The following TSC22D2 variants were observed in gnomAD, a reference collection of about 807,000 sequenced individuals.
TSC22D2 encodes TSC22 domain family member 2.
Under a neutral mutation model 50.1 loss-of-function variants are expected in TSC22D2, and 5 were observed. The observed-to-expected ratio is 0.10, with a 90% confidence interval of 0.05 to 0.21. The LOEUF is 0.21. Ranked by LOEUF, TSC22D2 falls within the 10% of genes least tolerant of loss-of-function variation. The probability of loss-of-function intolerance (pLI) is 1.00; values close to 1 mark genes in which losing one functional copy is unlikely to be tolerated. For missense variants in TSC22D2, 1,003 were observed against 1,015.5 expected (o/e 0.99, Z 0.17); for synonymous variants, 501 against 450.1 (o/e 1.11, Z -1.43).
chr3:150,412,996 A>G (rs1000979892), intron 1 of TSC22D2, among the ~76,000 whole-genome samples: 1 of 151,942 alleles, frequency 6.6e-6, no homozygotes, highest in Non-Finnish European at 1.5e-5. Flanking sequence ...CCCGCTTTCT[A>G]TACACACACA....
rs1340545440 is a variant in TSC22D2, at chr3:150,410,961, G to T, written c.1611G>T (p.Gln537His). 1 of 1,614,212 alleles carries T rather than the reference G, an allele frequency of 6.2e-7. No individual in the cohort carries two copies. The highest frequency in any genetic ancestry group is 1.7e-5 in the Admixed American group (1 of 60,030). Residue 537 changes from glutamine (Q) to histidine (H), a missense_variant, in exon 1 of 3, where the codon CAG becomes CAT. By Grantham distance (24) the Gln-to-His change is conservative. Around this residue, in one of 6 missense-constraint regions of TSC22D2, gnomAD observed 696 missense variants for 647.8 expected, o/e 1.07. Coordinates refer to ENST00000688009, the MANE Select transcript of TSC22D2 (RefSeq NM_001303264.2). The stretch of plus-strand genomic sequence containing the variant: ...CAAATGTACCCGCGCCTCTGGCCCA[G>T]TCGCAACAGCTGAGCAGCCATACGC... ...TMPNVPAPLAQSQQLSSHTPV... is the reference protein window; with the variant it reads ...TMPNVPAPLAHSQQLSSHTPV...
rs1560078199 is a variant in TSC22D2 at position 150,411,051 on chromosome 3, C to T, written c.1701C>T (p.Ser567=). 1 of 1,614,210 alleles carries T rather than the reference C, an allele frequency of 6.2e-7. No homozygotes were observed. The highest frequency in any genetic ancestry group is 8.5e-7 in the Non-Finnish European group (1 of 1,180,052). The change falls in exon 1 of 3, where the codon AGC becomes AGT. Residue 567 remains serine, a synonymous_variant. Transcript: ENST00000688009. ...VGLPLAPGTH[S]APTSLPQSDL... ...TGCCCTTAGCGCCAGGCACACACAG[C>T]GCACCAACAAGTCTACCACAGTCTG... is the stretch of plus-strand genomic sequence containing the variant.
chr3:150,455,951 T>A (rs558429256), intron 1 of TSC22D2, among the ~76,000 whole-genome samples: 1 of 152,166 alleles, frequency 6.6e-6, no homozygotes, highest in South Asian at 2.1e-4. Context: ...TCTTACTACT[T>A]AATACATGGT....
chr3:150,456,971 T>C (rs1721209602), intron 1 of TSC22D2, 105 bp from the exon 2 acceptor site: 2 of 907,424 alleles, frequency 2.2e-6, no homozygotes, highest in Non-Finnish European at 3.5e-6. Flanking sequence ...TTTAAATTAC[T>C]GTATATTTGG....
intron 1 of TSC22D2, among the ~76,000 whole-genome samples, chr3:150,442,167 A>C (rs1206724033): frequency 6.6e-6 from 1 of 151,460 alleles, no homozygotes; most frequent in Non-Finnish European, 1.5e-5. Flanking sequence ...TTTTTTCTCC[A>C]CCCAACTGTG....
At chr3:150,434,131 CA>C (rs1301648307) in intron 1 of TSC22D2, among the ~76,000 whole-genome samples, 1 of 149,754 alleles carries the variant, frequency 6.7e-6, no homozygotes, top group Non-Finnish European at 1.5e-5. Flanking sequence ...AGCTCAGAGT[CA>C]AAAAATAGGA....
chr3:150,423,021 AT>A, intron 1 of TSC22D2: 1 of 1,587,362 alleles, frequency 6.3e-7, no homozygotes, highest in Non-Finnish European at 8.6e-7. Context: ...TCTCAACCTC[AT>A]TTCCATTTGA....
chr3:150,442,599 A>G (rs1323796213), intron 1 of TSC22D2, among the ~76,000 whole-genome samples: 1 of 152,202 alleles, frequency 6.6e-6, no homozygotes, highest in Non-Finnish European at 1.5e-5. Context: ...ATACTAATGC[A>G]TTATCTCACT....
chr3:150,432,020 G>A (rs980707298), intron 1 of TSC22D2, among the ~76,000 whole-genome samples: 2 of 152,102 alleles, frequency 1.3e-5, no homozygotes, highest in African/African-American at 4.8e-5. Flanking sequence ...TGTGTTAGGT[G>A]GCTTGTCTGC....
intron 1 of TSC22D2, among the ~76,000 whole-genome samples, chr3:150,431,958 G>A (rs1576548816): frequency 7.9e-5 from 12 of 152,252 alleles, no homozygotes; most frequent in Admixed American, 6.5e-4. Context: ...TGCAAATTAT[G>A]TATTGCTATC....
chr3:150,456,481 C>T (rs969797877), intron 1 of TSC22D2, among the ~76,000 whole-genome samples: 1 of 152,108 alleles, frequency 6.6e-6, no homozygotes, highest in Non-Finnish European at 1.5e-5. Flanking sequence ...AGCCACCACG[C>T]CCGGCTGAAT....
chr3:150,420,198 C>T (rs1178195301), intron 1 of TSC22D2, among the ~76,000 whole-genome samples: 2 of 152,158 alleles, frequency 1.3e-5, no homozygotes, highest in Non-Finnish European at 2.9e-5. Context: ...TTACAGATGG[C>T]TCTTTTCCCT....
Position 150,408,322 on chromosome 3 carries a change from G to T in TSC22D2, c.-1029G>T, listed in dbSNP as rs990684785. The T allele has an allele frequency of 3.9e-5, 6 of 153,342 alleles. No homozygotes were observed. The highest frequency in any genetic ancestry group is 1.5e-4 in the African/African-American group (6 of 41,356). 9.5% of individuals were successfully genotyped at this position (153,342 alleles called of 1,614,324 possible). A position where few individuals can be genotyped will look rare whatever the true frequency, so the allele number is the denominator to read the frequency against. On this transcript the variant is annotated 5_prime_UTR_variant, in exon 1 of 3. Coordinates refer to ENST00000688009, the MANE Select transcript of TSC22D2 (RefSeq NM_001303264.2). Reference sequence around the variant, plus strand: ...TAGTCGGCAGCGGCGGCGGCAGCGGGGCTGCTGCTCCTCCCAGCATCCCTG... The same window carrying T: ...TAGTCGGCAGCGGCGGCGGCAGCGGTGCTGCTGCTCCTCCCAGCATCCCTG...
intron 1 of TSC22D2, among the ~76,000 whole-genome samples, chr3:150,415,375 A>G (rs1719762599): frequency 6.6e-6 from 1 of 152,190 alleles, no homozygotes; most frequent in East Asian, 1.9e-4. Context: ...TGACTATTTT[A>G]GTAACACTTG....
intron 1 of TSC22D2, among the ~76,000 whole-genome samples, chr3:150,451,594 A>G (rs1314931470): frequency 6.6e-6 from 1 of 152,222 alleles, no homozygotes; most frequent in Non-Finnish European, 1.5e-5. Context: ...CAGTCTTAGT[A>G]TTATGGAAGA....
intron 1 of TSC22D2, among the ~76,000 whole-genome samples, chr3:150,412,817 G>A (rs1381305739): frequency 6.6e-6 from 1 of 152,172 alleles, no homozygotes; most frequent in African/African-American, 2.4e-5. Context: ...CTGTAACACA[G>A]ATTGAGTTTA....
chr3:150,433,857 T>C (rs1219024992), intron 1 of TSC22D2, among the ~76,000 whole-genome samples: 2 of 152,180 alleles, frequency 1.3e-5, no homozygotes. Context: ...GACAGATTGC[T>C]TGAGCTCAGG....
chr3:150,411,157 C>G lies in TSC22D2; in HGVS notation c.1807C>G (p.Gln603Glu). ...DTRRKSEPLP[Q>E]PPLSLIAENK... Reference sequence around the variant, plus strand: ...TAGAAGAAAATCAGAACCCCTACCTCAACCACCACTTTCTCTCATTGCTGA... The same window carrying G: ...TAGAAGAAAATCAGAACCCCTACCTGAACCACCACTTTCTCTCATTGCTGA... The change falls in exon 1 of 3, where the codon CAA becomes GAA. Residue 603 changes from glutamine (Q) to glutamate (E), a missense_variant. Physicochemically the swap from Gln to Glu is conservative, Grantham distance 29. Around this residue, in one of 6 missense-constraint regions of TSC22D2, gnomAD observed 696 missense variants for 647.8 expected, o/e 1.07. Coordinates refer to ENST00000688009, the MANE Select transcript of TSC22D2 (RefSeq NM_001303264.2). 1 of 1,614,176 alleles carries G rather than the reference C, an allele frequency of 6.2e-7. No homozygotes were observed. Among genetic ancestry groups the G allele is most frequent in the Non-Finnish European group, 8.5e-7 (1 of 1,180,040 alleles).
In TSC22D2 at chr3:150,410,162, T is replaced by C. The variant is rs1430091374; in HGVS notation, c.812T>C (p.Val271Ala). 2 of 1,610,562 alleles carry C rather than the reference T, an allele frequency of 1.2e-6. No individual in the cohort carries two copies. The highest frequency in any genetic ancestry group is 1.7e-5 in the Admixed American group (1 of 59,960). ...CCGGCCCAGCCGCAGAGTTTTAGCGTTGGGCAGCCACAGCCGCCGCCGCCA... is the reference window on the plus strand; with the variant it reads ...CCGGCCCAGCCGCAGAGTTTTAGCGCTGGGCAGCCACAGCCGCCGCCGCCA... Reference protein sequence around the residue: ...PTPAQPQSFSVGQPQPPPPPV... With the variant: ...PTPAQPQSFSAGQPQPPPPPV... The change falls in exon 1 of 3, where the codon GTT (valine) becomes GCT (alanine). Residue 271 changes from valine to alanine, a missense_variant. Physicochemically the swap from Val to Ala is moderately conservative, Grantham distance 64. Transcript: ENST00000688009.
Sources: allele counts gnomAD v4.1 joint callset (sites outside exome capture counted in the v4.1 genomes callset), GRCh38; gene constraint gnomAD v4.1.1; regional missense constraint gnomAD v4.1.1; transcripts MANE v1.5; gene names NCBI Gene and HGNC (gene_info 2026-07-23, HGNC 2026-07-21).